Variants in TNIK observed in about 807,000 individuals in gnomAD.
The protein encoded by TNIK is TRAF2 and NCK interacting kinase.
In TNIK, 49 loss-of-function variants were observed where a neutral mutation model predicts 191.3. That is an observed-to-expected ratio of 0.26 (90% CI 0.20 to 0.32). TNIK has a LOEUF of 0.32. Ranked by LOEUF, TNIK falls within the 10% of genes least tolerant of loss-of-function variation. The pLI is 1.00. For missense variants in TNIK, 1,155 were observed against 1,702.3 expected (o/e 0.68, Z 5.66); for synonymous variants, 594 against 600.9 (o/e 0.99, Z 0.17).
chr3:171,091,977 T>C (rs973380703), intron 23 of TNIK, among the ~76,000 whole-genome samples: 2 of 149,286 alleles, frequency 1.3e-5, no homozygotes, highest in Non-Finnish European at 3.0e-5. Context: ...TAAGACAGAG[T>C]CTCGTTCTGT....
intron 4 of TNIK, among the ~76,000 whole-genome samples, chr3:171,209,891 T>A (rs903275918): frequency 4.6e-5 from 7 of 152,192 alleles, no homozygotes; most frequent in Non-Finnish European, 1.0e-4. Context: ...TCTTCCCCAC[T>A]GGATTGGAAA....
At chr3:171,127,103 G>A (rs1728582817) in intron 16 of TNIK, among the ~76,000 whole-genome samples, 1 of 151,788 alleles carries the variant, frequency 6.6e-6, no homozygotes, top group Non-Finnish European at 1.5e-5. Flanking sequence ...CATGGGGAAG[G>A]TGTCCCATAA....
At chr3:171,166,692 T>G (rs146755288) in intron 10 of TNIK, among the ~76,000 whole-genome samples, 92 of 152,324 alleles carry the variant, frequency 6.0e-4, no homozygotes, top group Middle Eastern at 6.8e-3. Flanking sequence ...GCACATAAAT[T>G]TAAATGTTGA....
intron 2 of TNIK, among the ~76,000 whole-genome samples, chr3:171,254,710 C>A (rs1040124204): frequency 6.6e-6 from 1 of 152,020 alleles, no homozygotes; most frequent in African/African-American, 2.4e-5. Context: ...CATATAAGGG[C>A]TAAATGGAAA....
At chr3:171,451,047 C>G (rs1024616039) in intron 1 of TNIK, among the ~76,000 whole-genome samples, 1 of 152,144 alleles carries the variant, frequency 6.6e-6, no homozygotes, top group African/African-American at 2.4e-5. Context: ...TAGTAGGGAG[C>G]CTCTAAGAGG....
At position 171,409,815 on chromosome 3, in the gene TNIK, G is replaced by A. The variant is rs748605287; in HGVS notation, c.58-40130C>T. On this transcript the variant is annotated intron_variant, in intron 1 of 32. Transcript: ENST00000436636. ...ATAATCAAGACTAAATTTTCTCTCT[G>A]TCTCTCTCCATCTTTAGTGCAAGCA... 4.7e-5 allele frequency among the ~76,000 whole-genome samples: 7 copies of A among 149,044 alleles called. No individual in the cohort carries two copies. In the South Asian group the frequency reaches 1.5e-3, roughly 33 times the overall value.
At chr3:171,251,341 C>T (rs939429943) in intron 2 of TNIK, among the ~76,000 whole-genome samples, 1 of 152,192 alleles carries the variant, frequency 6.6e-6, no homozygotes, top group Non-Finnish European at 1.5e-5. Context: ...ATGAGGCTGG[C>T]TACTTGTGTT....
In TNIK at chr3:171,450,377, C is replaced by T. The variant is rs528874175; in HGVS notation, c.57+9630G>A. Among the ~76,000 whole-genome samples, 122 of 152,298 alleles carry T rather than the reference C, an allele frequency of 8.0e-4. 2 individuals carry two copies. Among genetic ancestry groups the T allele is most frequent in the African/African-American group, 2.8e-3 (117 of 41,570 alleles). On this transcript the variant is annotated intron_variant, in intron 1 of 32. Coordinates refer to ENST00000436636, the MANE Select transcript of TNIK (RefSeq NM_015028.4). ...GCAACTTTATAACCATCTTTGTATC[C>T]ATACTTTGTTAGACTGGTTTTTGTG... is the stretch of plus-strand genomic sequence containing the variant.
chr3:171,378,939 C>G (rs1310741852), intron 1 of TNIK, among the ~76,000 whole-genome samples: 1 of 152,146 alleles, frequency 6.6e-6, no homozygotes. Flanking sequence ...TTTAGTAAAC[C>G]GATGGAATCA....
At chr3:171,074,399 T>G (rs1719624623) in intron 28 of TNIK, among the ~76,000 whole-genome samples, 1 of 152,110 alleles carries the variant, frequency 6.6e-6, no homozygotes, top group African/African-American at 2.4e-5. Flanking sequence ...ATTTACCTGT[T>G]GCGTATAATG....
intron 10 of TNIK, among the ~76,000 whole-genome samples, chr3:171,164,109 GC>G (rs1217960773): frequency 6.6e-6 from 1 of 152,214 alleles, no homozygotes; most frequent in Non-Finnish European, 1.5e-5. Flanking sequence ...GTGGCCCTAA[GC>G]CTAAACAGGC....
At chr3:171,439,404 T>A (rs1726467856) in intron 1 of TNIK, 1 of 151,512 alleles carries the variant, frequency 6.6e-6, no homozygotes, top group Non-Finnish European at 1.5e-5. Context: ...ACTGGCTCCA[T>A]CATTTTCAAT....
chr3:171,435,001 G>T (rs192716949), intron 1 of TNIK, among the ~76,000 whole-genome samples: 17 of 152,166 alleles, frequency 1.1e-4, no homozygotes, highest in Non-Finnish European at 2.4e-4. Context: ...GAAGACTGGA[G>T]TCAGGCCAGT....
At chr3:171,113,666 T>A (rs1042543375) in intron 18 of TNIK, among the ~76,000 whole-genome samples, 9 of 151,306 alleles carry the variant, frequency 5.9e-5, no homozygotes, top group African/African-American at 2.2e-4. Flanking sequence ...CTACTCCCAT[T>A]AAAAATATAT....
chr3:171,386,954 A>G (rs2108535272), intron 1 of TNIK, among the ~76,000 whole-genome samples: 1 of 152,308 alleles, frequency 6.6e-6, no homozygotes, highest in East Asian at 1.9e-4. Flanking sequence ...GCAATATAAA[A>G]TGTCCCTGCT....
chr3:171,146,586 G>A (rs576306935), intron 12 of TNIK, among the ~76,000 whole-genome samples: 5 of 152,216 alleles, frequency 3.3e-5, no homozygotes, highest in South Asian at 2.1e-4. Context: ...TGAAGACCAC[G>A]TAGCAGCGCT....
chr3:171,419,612 T>G (rs1373846624), intron 1 of TNIK, among the ~76,000 whole-genome samples: 1 of 152,226 alleles, frequency 6.6e-6, no homozygotes, highest in Non-Finnish European at 1.5e-5. Context: ...CAGATCCCAG[T>G]GCTCCCACTC....
At chr3:171,256,682 C>A (rs1394409689) in intron 2 of TNIK, among the ~76,000 whole-genome samples, 1 of 152,016 alleles carries the variant, frequency 6.6e-6, no homozygotes, top group Non-Finnish European at 1.5e-5. Context: ...TCCTACTGAC[C>A]CAAAAGAGAA....
At chr3:171,115,786 C>T (rs940363345) in intron 18 of TNIK, among the ~76,000 whole-genome samples, 2 of 152,146 alleles carry the variant, frequency 1.3e-5, no homozygotes, top group African/African-American at 4.8e-5. Flanking sequence ...GAACGACTGA[C>T]CAGGAGAGAG....
Sources: allele counts gnomAD v4.1 joint callset (sites outside exome capture counted in the v4.1 genomes callset), GRCh38; gene constraint gnomAD v4.1.1; transcripts MANE v1.5; gene names NCBI Gene and HGNC (gene_info 2026-07-23, HGNC 2026-07-21).